The following MEMO1 variants were observed in gnomAD, a reference collection of about 807,000 sequenced individuals.
MEMO1 encodes the protein protein MEMO1.
In MEMO1, 6 loss-of-function variants were observed where a neutral mutation model predicts 45.2. The ratio of observed to expected loss-of-function variants is 0.13; its 90% CI spans 0.07 to 0.26. The LOEUF (loss-of-function observed/expected upper bound fraction) is 0.26, where lower values mean the gene tolerates loss of function less well. MEMO1 is among the 10% of genes least tolerant of loss of function. The pLI, the probability that MEMO1 is intolerant of heterozygous loss-of-function variation, is 1.00. For missense variants in MEMO1, 184 were observed against 370.5 expected (o/e 0.50, Z 4.13); for synonymous variants, 78 against 124.3 (o/e 0.63, Z 2.48).
At chr2:31,919,833 A>AATAT (rs764966282) in intron 5 of MEMO1, among the ~76,000 whole-genome samples, 1 of 151,694 alleles carries the variant, frequency 6.6e-6, no homozygotes, top group Admixed American at 6.6e-5. Context: ...TAAAAACAAA[A>AATAT]ATATATATAT....
At chr2:31,955,261 T>C (rs1023726001) in intron 2 of MEMO1, among the ~76,000 whole-genome samples, 10 of 152,052 alleles carry the variant, frequency 6.6e-5, no homozygotes, top group African/African-American at 2.4e-4. Flanking sequence ...TATTTGCACA[T>C]GCTATATTCT....
intron 6 of MEMO1, among the ~76,000 whole-genome samples, chr2:31,900,427 G>C (rs1280610599): frequency 6.6e-6 from 1 of 152,018 alleles, no homozygotes; most frequent in African/African-American, 2.4e-5. Flanking sequence ...AACTAACACA[G>C]GAACAGAAAA....
chr2:31,960,167 A>T (rs1348713540), intron 2 of MEMO1, among the ~76,000 whole-genome samples: 2 of 151,928 alleles, frequency 1.3e-5, no homozygotes, highest in Non-Finnish European at 2.9e-5. Flanking sequence ...ACTGCACTGC[A>T]GCCTGGGTGA....
chr2:31,897,405 T>C (rs1344009208), intron 6 of MEMO1, among the ~76,000 whole-genome samples: 1 of 152,238 alleles, frequency 6.6e-6, no homozygotes. Flanking sequence ...ATATCTAGTT[T>C]ATTGAGAGAT....
chr2:31,880,971 C>A (rs10779914), intron 8 of MEMO1, among the ~76,000 whole-genome samples: 43,604 of 151,688 alleles, frequency 0.29, 6,480 homozygotes, highest in East Asian at 0.53. Context: ...CTGCAGTGAA[C>A]TGTGATTGTG....
intron 8 of MEMO1, among the ~76,000 whole-genome samples, chr2:31,875,589 C>A (rs1674436898): frequency 6.6e-6 from 1 of 152,106 alleles, no homozygotes; most frequent in Admixed American, 6.5e-5. Flanking sequence ...GATCTGACCT[C>A]CATCCACTTC....
chr2:31,962,631 C>T (rs1668137220), intron 2 of MEMO1, among the ~76,000 whole-genome samples: 1 of 152,080 alleles, frequency 6.6e-6, no homozygotes, highest in African/African-American at 2.4e-5. Context: ...GAAATTACAC[C>T]TTTCCAAATG....
At chr2:31,883,588 C>A in intron 7 of MEMO1, 126 bp from the exon 8 acceptor site, 1 of 636,310 alleles carries the variant, frequency 1.6e-6, no homozygotes, top group South Asian at 2.6e-5. Flanking sequence ...CTGAGAGAAT[C>A]ATTCCCAAGA....
At chr2:31,982,588 CAAAAAA>C (rs60208602) in intron 2 of MEMO1, among the ~76,000 whole-genome samples, 2 of 70,102 alleles carry the variant, frequency 2.9e-5, no homozygotes, top group Non-Finnish European at 3.1e-5. Flanking sequence ...GACTCCGTCT[CAAAAAA>C]AAAAAAAAAA....
chr2:31,958,674 C>A (rs935707871), intron 2 of MEMO1, among the ~76,000 whole-genome samples: 1 of 152,104 alleles, frequency 6.6e-6, no homozygotes, highest in East Asian at 1.9e-4. Flanking sequence ...TGTTTTGAGA[C>A]AAGCTCTGGC....
At chr2:31,910,445 T>C (rs539819452) in intron 6 of MEMO1, among the ~76,000 whole-genome samples, 1 of 152,302 alleles carries the variant, frequency 6.6e-6, no homozygotes, top group South Asian at 2.1e-4. Flanking sequence ...AGCAATGTAT[T>C]TGGTGATTAT....
intron 9 of MEMO1, among the ~76,000 whole-genome samples, chr2:31,869,037 A>G (rs1177858420): frequency 6.6e-6 from 1 of 152,178 alleles, no homozygotes; most frequent in Non-Finnish European, 1.5e-5. Context: ...AAATTAGTTT[A>G]AGTTCTTGAA....
At chr2:31,949,689 T>C (rs1056713971) in intron 2 of MEMO1, among the ~76,000 whole-genome samples, 1 of 150,642 alleles carries the variant, frequency 6.6e-6, no homozygotes, top group African/African-American at 2.4e-5. Flanking sequence ...GGACCTACTG[T>C]TTGATAGCAC....
intron 8 of MEMO1, among the ~76,000 whole-genome samples, chr2:31,880,905 T>G (rs948517799): frequency 6.6e-6 from 1 of 151,988 alleles, no homozygotes; most frequent in Non-Finnish European, 1.5e-5. Context: ...ATGTCTATAG[T>G]CCCAGCTACT....
chr2:31,981,908 T>A (rs1429874949), intron 2 of MEMO1, among the ~76,000 whole-genome samples: 1 of 152,186 alleles, frequency 6.6e-6, no homozygotes, highest in African/African-American at 2.4e-5. Flanking sequence ...AACTTTAATG[T>A]ATGCAAGTTA....
chr2:31,968,726 G>A (rs768627917), intron 2 of MEMO1, among the ~76,000 whole-genome samples: 1 of 151,998 alleles, frequency 6.6e-6, no homozygotes, highest in African/African-American at 2.4e-5. Flanking sequence ...TAAGTGTTCC[G>A]TTTGTTTCAC....
chr2:31,884,553 T>TA (rs1324994155), intron 7 of MEMO1, among the ~76,000 whole-genome samples: 2 of 152,144 alleles, frequency 1.3e-5, no homozygotes, highest in Non-Finnish European at 2.9e-5. Context: ...TTCATCTTAC[T>TA]AAAAAAATTA....
At position 32,010,726 on chromosome 2, in the gene MEMO1, G is replaced by A. The variant is rs1396859983; in HGVS notation, c.-18+216C>T. Among the ~76,000 whole-genome samples, 960 of 149,284 alleles carry A rather than the reference G, an allele frequency of 6.4e-3. 5 individuals carry two copies. The highest frequency in any genetic ancestry group is 0.022 in the Middle Eastern group (6 of 278). On this transcript the variant is annotated intron_variant, in intron 1 of 9. Transcript: ENST00000404530. ...CGCACCCACCCCCACCCCCGGCAGG[G>A]CCCTCCAGCCCGGCCGCCCGCCGCC...
At chr2:31,912,656 A>C (rs560270771) in intron 6 of MEMO1, among the ~76,000 whole-genome samples, 4 of 152,272 alleles carry the variant, frequency 2.6e-5, no homozygotes, top group Non-Finnish European at 5.9e-5. Flanking sequence ...AACAAAGTGT[A>C]TAAGATATGA....
Sources: allele counts gnomAD v4.1 joint callset (sites outside exome capture counted in the v4.1 genomes callset), GRCh38; gene constraint gnomAD v4.1.1; transcripts MANE v1.5; gene names NCBI Gene and HGNC (gene_info 2026-07-23, HGNC 2026-07-21).